GYPE: variants seen among roughly 807,000 people sequenced by gnomAD.
The protein encoded by GYPE is glycophorin-E.
In GYPE, 8 loss-of-function variants were observed where a neutral mutation model predicts 11.6. The ratio of observed to expected loss-of-function variants is 0.69; its 90% CI spans 0.41 to 1.25. GYPE has a LOEUF of 1.25. Among genes scored for constraint, GYPE ranks in the 50% most tolerant of loss-of-function variants. The pLI is 0.01. For missense variants in GYPE, 90 were observed against 92.8 expected (o/e 0.97, Z 0.12); for synonymous variants, 28 against 29.6 (o/e 0.94, Z 0.18).
intron 1 of GYPE, among the ~76,000 whole-genome samples, chr4:143,905,140 C>T (rs531321470): frequency 6.6e-6 from 1 of 152,264 alleles, no homozygotes; most frequent in Admixed American, 6.5e-5. Context: ...GGAAATGAAT[C>T]TCCTTATAAC....
chr4:143,873,148 C>T (rs1428091587), intron 3 of GYPE, among the ~76,000 whole-genome samples: 1 of 152,122 alleles, frequency 6.6e-6, no homozygotes, highest in Non-Finnish European at 1.5e-5. Context: ...AGAATAAATT[C>T]TGCTGGTCAC....
At chr4:143,903,198 G>C (rs184292177) in intron 1 of GYPE, among the ~76,000 whole-genome samples, 42 of 151,816 alleles carry the variant, frequency 2.8e-4, no homozygotes, top group African/African-American at 9.7e-4. Flanking sequence ...TATTATTTTT[G>C]ACTGTTTTTA....
intron 1 of GYPE, among the ~76,000 whole-genome samples, chr4:143,900,860 G>C (rs1435694407): frequency 6.6e-6 from 1 of 152,116 alleles, no homozygotes; most frequent in Non-Finnish European, 1.5e-5. Flanking sequence ...TGGGTAAGAG[G>C]TTTCCTTTTG....
At chr4:143,901,611 A>C (rs1744870224) in intron 1 of GYPE, among the ~76,000 whole-genome samples, 1 of 147,752 alleles carries the variant, frequency 6.8e-6, no homozygotes, top group African/African-American at 2.5e-5. Flanking sequence ...GTCCAGCCTG[A>C]TTTTGTCAGC....
chr4:143,888,115 G>A lies in GYPE; in HGVS notation c.38-7606C>T, dbSNP rs1216775794. ...TACCATGGAGGTGGGGTGACTTGGG[G>A]GCCCAAGACATGTTAGGATAACGAC... On this transcript the variant is annotated intron_variant, in intron 1 of 3. Coordinates refer to ENST00000358615, the MANE Select transcript of GYPE (RefSeq NM_198682.3). Among the ~76,000 whole-genome samples the A allele has an allele frequency of 5.4e-5, 5 of 92,304 alleles. No individual in the cohort carries two copies. The South Asian group carries it at 2.2e-3, about 40-fold the overall frequency. 60.6% of individuals were successfully genotyped at this position (92,304 alleles called of 152,430 possible).
chr4:143,881,662 A>G (rs1482835869), intron 1 of GYPE, among the ~76,000 whole-genome samples: 1 of 152,198 alleles, frequency 6.6e-6, no homozygotes, highest in Non-Finnish European at 1.5e-5. Flanking sequence ...ACTGCAAAGT[A>G]TTCCATTATA....
chr4:143,886,320 A>G (rs1302649943), intron 1 of GYPE, among the ~76,000 whole-genome samples: 1 of 140,010 alleles, frequency 7.1e-6, no homozygotes, highest in African/African-American at 2.7e-5. Context: ...CATCTGGTTG[A>G]AAAAAAAAAA....
At chr4:143,896,073 T>A (rs1744619213) in intron 1 of GYPE, among the ~76,000 whole-genome samples, 1 of 152,258 alleles carries the variant, frequency 6.6e-6, no homozygotes, top group African/African-American at 2.4e-5. Flanking sequence ...AACCTAGGCA[T>A]TACCATTCAG....
intron 1 of GYPE, among the ~76,000 whole-genome samples, chr4:143,901,428 A>T (rs902764006): frequency 6.6e-6 from 1 of 151,366 alleles, no homozygotes; most frequent in African/African-American, 2.4e-5. Context: ...ATGAGAAAAA[A>T]AAAATAAAAT....
At chr4:143,892,184 T>C (rs1382923163) in intron 1 of GYPE, among the ~76,000 whole-genome samples, 1 of 152,168 alleles carries the variant, frequency 6.6e-6, no homozygotes, top group African/African-American at 2.4e-5. Flanking sequence ...ATTGCATCTA[T>C]TTGATTCTTC....
chr4:143,896,668 A>G (rs1487029829), intron 1 of GYPE, among the ~76,000 whole-genome samples: 4 of 152,184 alleles, frequency 2.6e-5, no homozygotes, highest in Non-Finnish European at 4.4e-5. Flanking sequence ...TATATACCCA[A>G]AGGACTATAA....
At chr4:143,883,052 G>A (rs1744097480) in intron 1 of GYPE, among the ~76,000 whole-genome samples, 1 of 152,092 alleles carries the variant, frequency 6.6e-6, no homozygotes, top group Non-Finnish European at 1.5e-5. Context: ...GTTGGAGGTG[G>A]AGCCTGGTGG....
intron 2 of GYPE, among the ~76,000 whole-genome samples, chr4:143,878,041 G>C (rs1238626738): frequency 6.1e-5 from 9 of 147,586 alleles, no homozygotes; most frequent in East Asian, 4.0e-4. Context: ...AGTACTCAGG[G>C]TTGGTTAGAA....
intron 1 of GYPE, among the ~76,000 whole-genome samples, chr4:143,895,394 A>C (rs58239670): frequency 0.021 from 3,268 of 152,002 alleles, 98 homozygotes; most frequent in African/African-American, 0.056. Context: ...CATGAGTGAA[A>C]TCCCATTCAC....
At chr4:143,876,918 G>C (rs940081553) in intron 2 of GYPE, 63 bp from the exon 3 acceptor site, 2 of 869,824 alleles carry the variant, frequency 2.3e-6, no homozygotes, top group Non-Finnish European at 3.9e-6. Context: ...ACATCCAATT[G>C]AAAAATAAGA....
At chr4:143,891,103 G>A (rs4835064) in intron 1 of GYPE, among the ~76,000 whole-genome samples, 140,752 of 151,618 alleles carry the variant, frequency 0.93, 66,273 homozygotes, top group East Asian at 1. Flanking sequence ...AAAGGGAGAG[G>A]GAGTAACTAC....
chr4:143,883,844 A>G lies in GYPE; in HGVS notation c.38-3335T>C, dbSNP rs567348442. Among the ~76,000 whole-genome samples, 173 of 152,150 alleles carry G rather than the reference A, an allele frequency of 1.1e-3. 1 individual carries two copies. Among genetic ancestry groups the G allele is most frequent in the African/African-American group, 3.7e-3 (155 of 41,500 alleles). Reference sequence around the variant, plus strand: ...AACATAAGAAAAAAAAACAAAAAGTAAAAAATAAAAATACACAAAACATAG... The same window carrying G: ...AACATAAGAAAAAAAAACAAAAAGTGAAAAATAAAAATACACAAAACATAG... On this transcript the variant is annotated intron_variant, in intron 1 of 3. Coordinates refer to ENST00000358615, the MANE Select transcript of GYPE (RefSeq NM_198682.3).
At chr4:143,900,963 T>C (rs1366390828) in intron 1 of GYPE, among the ~76,000 whole-genome samples, 2 of 152,170 alleles carry the variant, frequency 1.3e-5, no homozygotes, top group African/African-American at 4.8e-5. Context: ...TTTAAAATGG[T>C]TCAAATGGTA....
chr4:143,893,976 A>G (rs748599693), intron 1 of GYPE, among the ~76,000 whole-genome samples: 8 of 152,018 alleles, frequency 5.3e-5, no homozygotes, highest in Non-Finnish European at 1.0e-4. Context: ...GTCTTTTCAC[A>G]TATCCCATAT....
Sources: allele counts gnomAD v4.1 joint callset (sites outside exome capture counted in the v4.1 genomes callset), GRCh38; gene constraint gnomAD v4.1.1; transcripts MANE v1.5; gene names NCBI Gene and HGNC (gene_info 2026-07-23, HGNC 2026-07-21).